Variants in SEC24B observed in about 807,000 individuals in gnomAD.
SEC24B encodes the protein SEC24 homolog B, COPII component.
SEC24B carries 45 observed loss-of-function variants against 142.8 expected under a neutral mutation model. That is an observed-to-expected ratio of 0.32 (90% CI 0.25 to 0.40). The LOEUF (loss-of-function observed/expected upper bound fraction) is 0.40, where lower values mean the gene tolerates loss of function less well. SEC24B is among the 10% of genes least tolerant of loss of function. The pLI is 1.00. For missense variants in SEC24B, 1,409 were observed against 1,526.8 expected, an observed-to-expected ratio of 0.92 and a Z score of 1.29; for synonymous variants, 574 against 568.2, an observed-to-expected ratio of 1.01 and a Z score of -0.15.
Position 109,524,932 on chromosome 4 carries a change from G to C in SEC24B, c.2623G>C (p.Ala875Pro). The change falls in exon 15 of 24, where the codon GCT becomes CCT. Residue 875 changes from alanine (A) to proline (P), a missense_variant. Coordinates refer to ENST00000265175, the MANE Select transcript of SEC24B (RefSeq NM_006323.5). ...FLLSSQYSDL[A>P]SLACMSKYSA... ...TTTAAGTTCACAGTATTCTGATCTT[G>C]CTTCTCTAGGTAAGGAAAGTCATCA... 6.2e-7 allele frequency: 1 copy of C among 1,608,704 alleles called. No individual in the cohort carries two copies. Among genetic ancestry groups the C allele is most frequent in the Non-Finnish European group, 8.5e-7 (1 of 1,177,742 alleles).
chr4:109,480,358 G>A lies in SEC24B; in HGVS notation c.1061-1319G>A, dbSNP rs146062933. ...TCATTGTACCCCAATATTAGGAAAT[G>A]TTCTTAAAAATCCCCACTATGTTTC... On this transcript the variant is annotated intron_variant, in intron 3 of 23. Coordinates refer to ENST00000265175, the MANE Select transcript of SEC24B (RefSeq NM_006323.5). Among the ~76,000 whole-genome samples, 33 of 151,704 alleles carry A rather than the reference G, an allele frequency of 2.2e-4. No homozygotes were observed. The East Asian group carries it at 6.2e-3, about 28-fold the overall frequency.
At chr4:109,449,857 G>A (rs35359830) in intron 1 of SEC24B, among the ~76,000 whole-genome samples, 26,566 of 152,040 alleles carry the variant, frequency 0.17, 2,615 homozygotes, top group African/African-American at 0.27. Flanking sequence ...TCCTCTGTGA[G>A]GTTATTTTTT....
chr4:109,474,546 T>C (rs1232487326), intron 3 of SEC24B, among the ~76,000 whole-genome samples: 1 of 151,724 alleles, frequency 6.6e-6, no homozygotes, highest in Non-Finnish European at 1.5e-5. Flanking sequence ...TGTCTCAGCC[T>C]CCTGGGTAGC....
At chr4:109,437,898 C>T (rs186954838) in intron 1 of SEC24B, among the ~76,000 whole-genome samples, 1 of 152,180 alleles carries the variant, frequency 6.6e-6, no homozygotes, top group African/African-American at 2.4e-5. Flanking sequence ...GCTCGGATTA[C>T]AGACGTGAGC....
At chr4:109,526,479 A>C in intron 17 of SEC24B, 80 bp downstream of exon 17, 2 of 1,001,180 alleles carry the variant, frequency 2.0e-6, no homozygotes, top group Non-Finnish European at 2.9e-6. Flanking sequence ...GAGTGGGGAA[A>C]AAGAATGAAT....
intron 22 of SEC24B, among the ~76,000 whole-genome samples, chr4:109,537,142 CAT>C (rs1725646001): frequency 6.6e-6 from 1 of 151,714 alleles, no homozygotes; most frequent in Non-Finnish European, 1.5e-5. Context: ...AAGTAGAGGT[CAT>C]ATAAAACAAT....
intron 5 of SEC24B, 118 bp from the exon 6 acceptor site, chr4:109,494,497 G>T (rs576529350): frequency 1.5e-6 from 2 of 1,340,288 alleles, no homozygotes. Flanking sequence ...AAATTTCTTA[G>T]AATAAAAAGC....
chr4:109,442,754 CTCT>C (rs1025727124), intron 1 of SEC24B, among the ~76,000 whole-genome samples: 1 of 152,028 alleles, frequency 6.6e-6, no homozygotes, highest in African/African-American at 2.4e-5. Flanking sequence ...TTTGTTTTCT[CTCT>C]TCATTTTTTT....
Position 109,539,598 on chromosome 4 carries a change from T to C in SEC24B, c.3730T>C (p.Leu1244=). 6.2e-7 allele frequency: 1 copy of C among 1,613,966 alleles called. No homozygotes were observed. Among genetic ancestry groups the C allele is most frequent in the Non-Finnish European group, 8.5e-7 (1 of 1,179,916 alleles). The part of the protein sequence containing the change: ...SPAKAEFFQH[L]IEDRTEAAFS... Reference sequence around the variant, plus strand: ...TGCCAAAGCAGAATTTTTTCAGCATTTGATTGAAGACCGGACAGAGGCTGC... The same window carrying C: ...TGCCAAAGCAGAATTTTTTCAGCATCTGATTGAAGACCGGACAGAGGCTGC... Residue 1244 remains leucine (L), a synonymous_variant, in exon 24 of 24, where the codon TTG becomes CTG. Transcript: ENST00000265175.
intron 1 of SEC24B, among the ~76,000 whole-genome samples, chr4:109,446,331 G>A (rs1729458566): frequency 6.6e-6 from 1 of 152,184 alleles, no homozygotes; most frequent in African/African-American, 2.4e-5. Flanking sequence ...GATGGAAGGG[G>A]CCACAAGCCA....
intron 3 of SEC24B, among the ~76,000 whole-genome samples, chr4:109,478,793 C>T (rs1264858324): frequency 6.6e-6 from 1 of 152,194 alleles, no homozygotes; most frequent in Non-Finnish European, 1.5e-5. Flanking sequence ...AAAAGAAAGG[C>T]TGTCATTAAC....
chr4:109,438,365 G>A (rs1728611710), intron 1 of SEC24B, among the ~76,000 whole-genome samples: 1 of 152,098 alleles, frequency 6.6e-6, no homozygotes, highest in African/African-American at 2.4e-5. Flanking sequence ...CCAAGCTGGA[G>A]TACAGTGTTG....
intron 14 of SEC24B, among the ~76,000 whole-genome samples, 179 bp from the exon 15 acceptor site, chr4:109,524,639 G>GT (rs972800485): frequency 1.3e-5 from 2 of 151,768 alleles, no homozygotes; most frequent in African/African-American, 4.8e-5. Flanking sequence ...GCACATAAGT[G>GT]TTTTTTATAA....
intron 3 of SEC24B, among the ~76,000 whole-genome samples, chr4:109,477,488 AT>A (rs1034633829): frequency 2.0e-5 from 3 of 151,816 alleles, no homozygotes; most frequent in African/African-American, 7.3e-5. Flanking sequence ...CATCTGACTA[AT>A]TTTTTAAAAA....
intron 22 of SEC24B, among the ~76,000 whole-genome samples, chr4:109,535,724 C>T (rs1301154943): frequency 6.6e-6 from 1 of 151,464 alleles, no homozygotes; most frequent in Non-Finnish European, 1.5e-5. Context: ...TGGTGGCAGG[C>T]GCCTGTAGTC....
intron 1 of SEC24B, among the ~76,000 whole-genome samples, chr4:109,461,081 G>A: frequency 6.6e-6 from 1 of 152,144 alleles, no homozygotes. Context: ...ATTTTCTACT[G>A]TGTGAGAACA....
intron 1 of SEC24B, among the ~76,000 whole-genome samples, chr4:109,451,743 C>G (rs1369897792): frequency 6.6e-6 from 1 of 152,160 alleles, no homozygotes; most frequent in Non-Finnish European, 1.5e-5. Context: ...GTCACTGCTT[C>G]AGGCTCTGAA....
chr4:109,491,450 T>A, intron 5 of SEC24B, 43 bp downstream of exon 5: 1 of 1,452,928 alleles, frequency 6.9e-7, no homozygotes, highest in Non-Finnish European at 9.7e-7. Flanking sequence ...TTGAAAGTTA[T>A]TGACCATCAG....
chr4:109,483,709 C>T (rs1024492204), intron 4 of SEC24B, among the ~76,000 whole-genome samples: 1 of 152,078 alleles, frequency 6.6e-6, no homozygotes, highest in Non-Finnish European at 1.5e-5. Flanking sequence ...ATATGCGACT[C>T]GGGATAAAAA....
Sources: allele counts gnomAD v4.1 joint callset (sites outside exome capture counted in the v4.1 genomes callset), GRCh38; gene constraint gnomAD v4.1.1; transcripts MANE v1.5; gene names NCBI Gene and HGNC (gene_info 2026-07-23, HGNC 2026-07-21).